KMT5A: variants seen among roughly 807,000 people sequenced by gnomAD.
KMT5A encodes the protein N-lysine methyltransferase KMT5A.
A neutral mutation model predicts 40.6 loss-of-function variants in KMT5A; 6 were observed. The ratio of observed to expected loss-of-function variants is 0.15; its 90% confidence interval spans 0.08 to 0.29. The LOEUF is 0.29. Ranked by LOEUF, KMT5A falls within the 10% of genes least tolerant of loss-of-function variation. The pLI is 1.00. For missense variants in KMT5A, 308 were observed against 459.1 expected (o/e 0.67, Z 3.01); for synonymous variants, 153 against 178.8 (o/e 0.86, Z 1.15).
chr12:123,392,256 G>A (rs1442463822), intron 3 of KMT5A, among the ~76,000 whole-genome samples: 1 of 152,184 alleles, frequency 6.6e-6, no homozygotes, highest in South Asian at 2.1e-4. Context: ...TAGTTGCCCG[G>A]ACTCTAGTCC....
chr12:123,394,333 C>T (rs1375455056), intron 3 of KMT5A, among the ~76,000 whole-genome samples: 1 of 152,074 alleles, frequency 6.6e-6, no homozygotes, highest in Non-Finnish European at 1.5e-5. Flanking sequence ...GAACTCCCGA[C>T]CTCAGGTGAT....
chr12:123,390,254 G>T, intron 2 of KMT5A: 1 of 418,124 alleles, frequency 2.4e-6, no homozygotes, highest in Non-Finnish European at 4.7e-6. Flanking sequence ...TTTCTGTGCT[G>T]AGTCCCTGCG....
intron 3 of KMT5A, among the ~76,000 whole-genome samples, chr12:123,394,077 A>G (rs1025310970): frequency 4.0e-5 from 6 of 150,110 alleles, no homozygotes; most frequent in Non-Finnish European, 8.9e-5. Flanking sequence ...ATCTGTGAGC[A>G]GCGTACTATT....
Position 123,405,850 on chromosome 12 carries a change from C to T in KMT5A, c.848+776C>T, listed in dbSNP as rs555983373. Among the ~76,000 whole-genome samples the T allele has an allele frequency of 6.0e-5, 9 of 150,084 alleles. No individual in the cohort carries two copies. The East Asian group carries it at 7.8e-4, about 13-fold the overall frequency. On this transcript the variant is annotated intron_variant, in intron 7 of 7. Coordinates refer to ENST00000402868, the MANE Select transcript of KMT5A (RefSeq NM_020382.7). ...TTTTTTTTCTTTTGAGACGGAGTCT[C>T]GTTCTGTCACCCAGGCTGGAGTGCA...
chr12:123,405,767 C>T (rs749524176), intron 7 of KMT5A, among the ~76,000 whole-genome samples: 3 of 151,720 alleles, frequency 2.0e-5, no homozygotes, highest in Non-Finnish European at 4.4e-5. Flanking sequence ...CTGCCTTAGC[C>T]TCCCAAAGTT....
intron 5 of KMT5A, among the ~76,000 whole-genome samples, chr12:123,401,620 C>T (rs925202477): frequency 2.0e-5 from 3 of 151,744 alleles, no homozygotes; most frequent in East Asian, 1.9e-4. Context: ...CTTGCTCTGT[C>T]TCCCAGGCTG....
rs984273313 is a variant in KMT5A, at chr12:123,405,183, T to G, written c.848+109T>G. On this transcript the variant is annotated intron_variant, in intron 7 of 7. Transcript: ENST00000402868. ...TTGGTGGCCAGTCTTTTGGTTTTGTTGTTGTTGACTTTTTTTTTTTTATTT... is the reference window on the plus strand; with the variant it reads ...TTGGTGGCCAGTCTTTTGGTTTTGTGGTTGTTGACTTTTTTTTTTTTATTT... 242 of 1,185,828 alleles carry G rather than the reference T, an allele frequency of 2.0e-4. 1 individual carries two copies. Among genetic ancestry groups the G allele is most frequent in the Non-Finnish European group, 2.7e-4 (233 of 869,712 alleles). The allele number at this position is 1,185,828 out of a possible 1,614,324, so 73.5% of individuals were successfully genotyped here.
intron 4 of KMT5A, among the ~76,000 whole-genome samples, chr12:123,395,878 A>G (rs567349602): frequency 3.0e-4 from 45 of 151,466 alleles, no homozygotes; most frequent in African/African-American, 8.7e-4. Context: ...GTTTTTTGAG[A>G]CAGGGTCTTA....
intron 1 of KMT5A, chr12:123,388,320 C>G (rs1876991929): frequency 1.3e-5 from 2 of 152,304 alleles, no homozygotes; most frequent in African/African-American, 2.4e-5. Flanking sequence ...CTTTCTCCAT[C>G]TGTTGAAAAG....
intron 5 of KMT5A, among the ~76,000 whole-genome samples, chr12:123,402,460 C>G (rs1481823527): frequency 6.6e-6 from 1 of 152,160 alleles, no homozygotes; most frequent in Non-Finnish European, 1.5e-5. Context: ...CTGGTTTGGG[C>G]CTCTGTGTAG....
chr12:123,399,051 A>G (rs997204381), intron 5 of KMT5A, among the ~76,000 whole-genome samples: 5 of 152,236 alleles, frequency 3.3e-5, no homozygotes, highest in African/African-American at 1.2e-4. Flanking sequence ...TGCCCTATCC[A>G]CCAAGTGCTT....
chr12:123,399,308 G>T (rs1459624785), intron 5 of KMT5A, among the ~76,000 whole-genome samples: 1 of 152,244 alleles, frequency 6.6e-6, no homozygotes, highest in Non-Finnish European at 1.5e-5. Context: ...AGGCCCATTT[G>T]TGGGTTCCTG....
At position 123,404,864 on chromosome 12, in the gene KMT5A, CCT is replaced by C. The variant is rs1187594378; in HGVS notation, c.658-15_658-14del. 5 of 1,604,146 alleles carry C rather than the reference CCT, an allele frequency of 3.1e-6. No homozygotes were observed. The highest frequency in any genetic ancestry group is 4.3e-6 in the Non-Finnish European group (5 of 1,175,376). ...ATCCATTGCTATTATGAACCAACAC[CCT>C]CTCTTATCACCTGACAGATTGACCT... On this transcript the variant is annotated intron_variant, in intron 6 of 7. Coordinates refer to ENST00000402868, the MANE Select transcript of KMT5A (RefSeq NM_020382.7).
intron 3 of KMT5A, among the ~76,000 whole-genome samples, chr12:123,392,475 TAGTGAGG>T (rs1566074951): frequency 6.6e-5 from 10 of 151,884 alleles, no homozygotes; most frequent in African/African-American, 2.4e-4. Flanking sequence ...CTGGGCAACA[TAGTGAGG>T]CCTCATCTCT....
At chr12:123,397,439 C>T (rs562854755) in intron 5 of KMT5A, among the ~76,000 whole-genome samples, 108 of 152,324 alleles carry the variant, frequency 7.1e-4, no homozygotes, top group Non-Finnish European at 1.2e-3. Context: ...CATGCGGACT[C>T]CTTCAGCGTT....
intron 3 of KMT5A, among the ~76,000 whole-genome samples, chr12:123,393,323 A>G (rs554370990): frequency 9.2e-5 from 14 of 152,214 alleles, no homozygotes; most frequent in South Asian, 4.2e-4. Context: ...GAACGTTTCC[A>G]TCACCCCAGA....
Position 123,384,693 on chromosome 12 carries a change from C to T in KMT5A, c.10+485C>T, listed in dbSNP as rs1876761214. ...GGTGGACACCGCAGCAGGCGCCTTT[C>T]CTCCCTCCCCACGTCCTGAGTCAGC... is the stretch of plus-strand genomic sequence containing the variant. On this transcript the variant is annotated intron_variant, in intron 1 of 7. Coordinates refer to ENST00000402868, the MANE Select transcript of KMT5A (RefSeq NM_020382.7). This position sits in a 1 kb window ranked among gnomAD's most constrained non-coding sequence, Gnocchi z 5.7. 6.6e-6 allele frequency among the ~76,000 whole-genome samples: 1 copy of T among 152,210 alleles called. No individual in the cohort carries two copies. The highest frequency in any genetic ancestry group is 2.4e-5 in the African/African-American group (1 of 41,462).
chr12:123,405,281 C>T (rs1878452133), intron 7 of KMT5A, among the ~76,000 whole-genome samples: 1 of 151,074 alleles, frequency 6.6e-6, no homozygotes, highest in African/African-American at 2.4e-5. Flanking sequence ...GCAACCTCCT[C>T]TCAGGCTCAA....
intron 5 of KMT5A, among the ~76,000 whole-genome samples, chr12:123,396,866 T>C (rs1182497446): frequency 1.3e-5 from 2 of 152,238 alleles, no homozygotes; most frequent in Non-Finnish European, 2.9e-5. Flanking sequence ...GGCCACTTGC[T>C]GGTTGCGTAG....
Sources: gnomAD v4.1 joint callset for allele counts (sites outside exome capture counted in the v4.1 genomes callset) on GRCh38, gnomAD v4.1.1 for gene constraint, Gnocchi (gnomAD v3.1) non-coding constraint, MANE v1.5 for transcripts, NCBI Gene and HGNC (gene_info 2026-07-23, HGNC 2026-07-21) for gene names.